GTF3C1: variants seen among roughly 807,000 people sequenced by gnomAD.
The protein encoded by GTF3C1 is general transcription factor IIIC subunit 1, also known as general transcription factor 3C polypeptide 1.
GTF3C1 carries 57 observed loss-of-function variants against 226.7 expected under a neutral mutation model. The ratio of observed to expected loss-of-function variants is 0.25; its 90% CI spans 0.20 to 0.31. GTF3C1 has a LOEUF of 0.31. Among genes scored for constraint, GTF3C1 ranks in the 10% least tolerant of loss-of-function variants. The pLI is 1.00. For synonymous variants in GTF3C1, 1,090 were observed against 1,084.8 expected, an observed-to-expected ratio of 1.00 and a Z score of -0.09; for missense variants, 2,217 against 2,776.1, an observed-to-expected ratio of 0.80 and a Z score of 4.53.
At chr16:27,504,099 A>G (rs1289920717) in intron 10 of GTF3C1, among the ~76,000 whole-genome samples, 1 of 152,224 alleles carries the variant, frequency 6.6e-6, no homozygotes, top group Non-Finnish European at 1.5e-5. Context: ...GCCAGTTTCC[A>G]TGGGGCTGCT....
At chr16:27,468,175 G>A (rs914638048) in intron 32 of GTF3C1, among the ~76,000 whole-genome samples, 13 of 152,336 alleles carry the variant, frequency 8.5e-5, no homozygotes, top group African/African-American at 2.6e-4. Context: ...GGATGGAACT[G>A]CTGCAATCTC....
chr16:27,538,420 G>T (rs2141454984), intron 2 of GTF3C1, 64 bp from the exon 3 acceptor site: 1 of 1,027,526 alleles, frequency 9.7e-7, no homozygotes, highest in South Asian at 1.7e-5. Context: ...ACTGAGATAA[G>T]AAAAAGAAAT....
intron 16 of GTF3C1, among the ~76,000 whole-genome samples, chr16:27,493,502 G>A (rs2088264177): frequency 6.6e-6 from 1 of 152,150 alleles, no homozygotes; most frequent in Non-Finnish European, 1.5e-5. Flanking sequence ...CACTGCAGAG[G>A]GCAATAAACA....
At chr16:27,522,671 A>G (rs755417035) in intron 6 of GTF3C1, among the ~76,000 whole-genome samples, 3 of 152,202 alleles carry the variant, frequency 2.0e-5, no homozygotes, top group Non-Finnish European at 4.4e-5. Context: ...GACTGTGTGG[A>G]ATCAGTAGAT....
rs374515252 is a variant in GTF3C1 at position 27,489,024 on chromosome 16, C to G, written c.3429+19G>C. The G allele has an allele frequency of 6.2e-7, 1 of 1,608,082 alleles. No individual in the cohort carries two copies. The highest frequency in any genetic ancestry group is 1.3e-5 in the African/African-American group (1 of 74,796). ...AGCGAGGACCCCTGAGATTGTAGTC[C>G]GGTGTGACGCACACCCACCTTTTTG... On this transcript the variant is annotated intron_variant, in intron 21 of 36. Coordinates refer to ENST00000356183, the MANE Select transcript of GTF3C1 (RefSeq NM_001520.4).
At position 27,545,352 on chromosome 16, in the gene GTF3C1, G is replaced by C. The variant is rs746755883; in HGVS notation, c.393C>G (p.Ser131=). Residue 131 remains serine, a synonymous_variant, in exon 2 of 37, where the codon TCC becomes TCG. Coordinates refer to ENST00000356183, the MANE Select transcript of GTF3C1 (RefSeq NM_001520.4). ...CCACCATTGTACAGCGAGGCTGCAA[G>C]GACTTGGTTCTGATGTCATTGGTAA... ...KNITNDIRTK[S]LQPRCTMVEA... 1.9e-6 allele frequency: 3 copies of C among 1,613,964 alleles called. No individual in the cohort carries two copies. The South Asian group carries it at 3.3e-5, about 18-fold the overall frequency.
intron 20 of GTF3C1, 116 bp downstream of exon 20, chr16:27,489,486 C>T: frequency 1.3e-6 from 1 of 767,770 alleles, no homozygotes; most frequent in East Asian, 2.7e-5. Context: ...AGCCTCTGCA[C>T]CGGAGACACA....
In GTF3C1 at chr16:27,488,060, G is replaced by C. The variant is rs529378510; in HGVS notation, c.3700+167C>G. 6.7e-4 allele frequency among the ~76,000 whole-genome samples: 102 copies of C among 152,314 alleles called. 2 individuals are homozygous for C. Among genetic ancestry groups the C allele is most frequent in the African/African-American group, 2.1e-3 (88 of 41,580 alleles). On this transcript the variant is annotated intron_variant, in intron 23 of 36. Coordinates refer to ENST00000356183, the MANE Select transcript of GTF3C1 (RefSeq NM_001520.4). The stretch of plus-strand genomic sequence containing the variant: ...TCGAGTCTCTCTCATCTGCCAAATG[G>C]ATGTGGAAATAAAGCAACCATCATA...
At chr16:27,519,280 G>A (rs1489653883) in intron 6 of GTF3C1, among the ~76,000 whole-genome samples, 2 of 152,210 alleles carry the variant, frequency 1.3e-5, no homozygotes, top group African/African-American at 2.4e-5. Flanking sequence ...TGAGGATACG[G>A]AGAAAGGTAG....
intron 6 of GTF3C1, among the ~76,000 whole-genome samples, chr16:27,522,795 C>T (rs1299960807): frequency 1.3e-5 from 2 of 152,136 alleles, no homozygotes; most frequent in South Asian, 2.1e-4. Flanking sequence ...GTTTTCACAG[C>T]GTATATGTTT....
chr16:27,506,150 G>A (rs767126283), intron 9 of GTF3C1, 34 bp from the exon 10 acceptor site: 2 of 1,270,692 alleles, frequency 1.6e-6, no homozygotes, highest in South Asian at 2.4e-5. Flanking sequence ...ACAAATCAAG[G>A]GGGAGGCCAG....
intron 20 of GTF3C1, 72 bp from the exon 21 acceptor site, chr16:27,489,250 T>C (rs2088194043): frequency 5.3e-6 from 8 of 1,517,222 alleles, no homozygotes; most frequent in Admixed American, 1.9e-5. Flanking sequence ...ATGGCATGGG[T>C]TGAGGGACAT....
At chr16:27,544,117 C>T (rs369832827) in intron 2 of GTF3C1, among the ~76,000 whole-genome samples, 18 of 151,982 alleles carry the variant, frequency 1.2e-4, no homozygotes, top group Non-Finnish European at 1.3e-4. Context: ...GACAGGGGGC[C>T]GTTGCTCACA....
rs879161136 is a variant in GTF3C1 at position 27,461,281 on chromosome 16, T to G, written c.*69A>C. The G allele has an allele frequency of 2.0e-6, 2 of 1,002,796 alleles. No homozygotes were observed. Among genetic ancestry groups the G allele is most frequent in the Non-Finnish European group, 3.0e-6 (2 of 663,534 alleles). The allele number at this position is 1,002,796 out of a possible 1,614,324, so 62.1% of individuals were successfully genotyped here. On this transcript the variant is annotated 3_prime_UTR_variant, in exon 37 of 37. Transcript: ENST00000356183. The surrounding 1 kb of genome is among the most constrained non-coding windows in gnomAD (Gnocchi z 5.3). ...GACCCAAGGCCAGGGCACAGTGGGG[T>G]CTGCCGAGCACCAGGCAGGAGTGGT...
chr16:27,487,792 C>A (rs2141373274), intron 23 of GTF3C1, among the ~76,000 whole-genome samples: 1 of 151,850 alleles, frequency 6.6e-6, no homozygotes, highest in East Asian at 1.9e-4. Context: ...GACTCTGACG[C>A]AAAAAAATAA....
Position 27,470,669 on chromosome 16 carries a change from G to A in GTF3C1, c.4527-274C>T, listed in dbSNP as rs963161955. 1.8e-5 allele frequency: 8 copies of A among 447,288 alleles called. No individual in the cohort carries two copies. Among genetic ancestry groups the A allele is most frequent in the Admixed American group, 3.8e-5 (1 of 26,570 alleles). 27.7% of individuals were successfully genotyped at this position (447,288 alleles called of 1,614,324 possible). On this transcript the variant is annotated intron_variant, in intron 30 of 36. Coordinates refer to ENST00000356183, the MANE Select transcript of GTF3C1 (RefSeq NM_001520.4). The surrounding 1 kb of genome is among the most constrained non-coding windows in gnomAD (Gnocchi z 4.9). ...GCCTCACCTGGCGCTCCAGGAGGGC[G>A]CTGGCAGGCTCACCTTACAGGGGCT...
intron 21 of GTF3C1, 63 bp from the exon 22 acceptor site, chr16:27,488,698 G>A: frequency 1.5e-6 from 2 of 1,360,070 alleles, no homozygotes; most frequent in South Asian, 2.3e-5. Flanking sequence ...GCCGCCCAGA[G>A]TAACAAATGC....
chr16:27,503,299 T>C (rs1250215397), intron 10 of GTF3C1, among the ~76,000 whole-genome samples: 1 of 152,204 alleles, frequency 6.6e-6, no homozygotes, highest in Non-Finnish European at 1.5e-5. Context: ...GTTCCCTCAA[T>C]TCCCCCTTGG....
chr16:27,469,576 C>A lies in GTF3C1; in HGVS notation c.4815-26G>T, dbSNP rs750610769. The A allele has an allele frequency of 6.3e-7, 1 of 1,596,338 alleles. No homozygotes were observed. The highest frequency in any genetic ancestry group is 1.1e-5 in the South Asian group (1 of 89,404). Reference sequence around the variant, plus strand: ...CTAGAAGGGAATTGTGACCTGGATACCTGAGCATAGGCCAGCCAGTTGCTA... The same window carrying A: ...CTAGAAGGGAATTGTGACCTGGATAACTGAGCATAGGCCAGCCAGTTGCTA... On this transcript the variant is annotated intron_variant, in intron 31 of 36. Transcript: ENST00000356183. This position sits in a 1 kb window ranked among gnomAD's most constrained non-coding sequence, Gnocchi z 4.5.
Sources: gnomAD v4.1 joint callset for allele counts (sites outside exome capture counted in the v4.1 genomes callset) on GRCh38, gnomAD v4.1.1 for gene constraint, Gnocchi (gnomAD v3.1) non-coding constraint, MANE v1.5 for transcripts, NCBI Gene and HGNC (gene_info 2026-07-23, HGNC 2026-07-21) for gene names.